The following GNAQ variants were observed in gnomAD, a reference collection of about 807,000 sequenced individuals.
The protein encoded by GNAQ is guanine nucleotide-binding protein G(q) subunit alpha.
Under a neutral mutation model 43.9 loss-of-function variants are expected in GNAQ, and 8 were observed. That is an observed-to-expected ratio of 0.18 (90% CI 0.11 to 0.33). The LOEUF (loss-of-function observed/expected upper bound fraction) is 0.33, where lower values mean the gene tolerates loss of function less well. Ranked by LOEUF, GNAQ falls within the 10% of genes least tolerant of loss-of-function variation. The pLI is 1.00. For missense variants in GNAQ, 158 were observed against 450.8 expected (o/e 0.35, Z 5.88); for synonymous variants, 155 against 170.7 (o/e 0.91, Z 0.71).
chr9:77,951,268 T>C (rs893033050), intron 1 of GNAQ, among the ~76,000 whole-genome samples: 2 of 152,012 alleles, frequency 1.3e-5, no homozygotes, highest in Admixed American at 6.6e-5. Flanking sequence ...CGGCTAATTT[T>C]TCTATTTTTA....
intron 1 of GNAQ, among the ~76,000 whole-genome samples, chr9:77,931,087 T>C (rs1829142311): frequency 6.6e-6 from 1 of 150,610 alleles, no homozygotes; most frequent in Admixed American, 6.6e-5. Flanking sequence ...CTGGAAAAAT[T>C]GCCCAAAAAA....
Position 77,836,006 on chromosome 9 carries a change from CGAA to C in GNAQ, c.322-20239_322-20237del, listed in dbSNP as rs1334821620. 1.1e-4 allele frequency among the ~76,000 whole-genome samples: 16 copies of C among 151,856 alleles called. No homozygotes were observed. The East Asian group carries it at 2.7e-3, about 26-fold the overall frequency. ...GATGATTTTAAGATATTGAGAAAAA[CGAA>C]GAAGAAAGAAAAAAAATCTGAAATT... On this transcript the variant is annotated intron_variant, in intron 2 of 6. Transcript: ENST00000286548.
intron 3 of GNAQ, 149 bp downstream of exon 3, chr9:77,815,467 G>C (rs1473370670): frequency 8.1e-6 from 4 of 493,796 alleles, no homozygotes; most frequent in Non-Finnish European, 1.4e-5. Flanking sequence ...TATGAGGTTG[G>C]CATAAGTTCA....
chr9:77,935,263 G>C lies in GNAQ; in HGVS notation c.137-12918C>G, dbSNP rs962357554. 2.6e-5 allele frequency among the ~76,000 whole-genome samples: 4 copies of C among 152,186 alleles called. No individual in the cohort carries two copies. The South Asian group carries it at 8.3e-4, about 32-fold the overall frequency. Reference sequence around the variant, plus strand: ...TTTAAAGTTTAAAATTCTCTCTTGGGGGGAAATGTTGATGTTGATCAAAAA... The same window carrying C: ...TTTAAAGTTTAAAATTCTCTCTTGGCGGGAAATGTTGATGTTGATCAAAAA... On this transcript the variant is annotated intron_variant, in intron 1 of 6. Transcript: ENST00000286548.
At chr9:77,940,949 G>C (rs1829307297) in intron 1 of GNAQ, among the ~76,000 whole-genome samples, 1 of 150,982 alleles carries the variant, frequency 6.6e-6, no homozygotes, top group Non-Finnish European at 1.5e-5. Context: ...GGGCGACAGA[G>C]CGAGACTCCG....
chr9:77,853,053 A>G (rs1827695695), intron 2 of GNAQ, among the ~76,000 whole-genome samples: 1 of 152,234 alleles, frequency 6.6e-6, no homozygotes, highest in South Asian at 2.1e-4. Flanking sequence ...AATGGATAGT[A>G]TTTTAGAAAA....
intron 2 of GNAQ, among the ~76,000 whole-genome samples, chr9:77,869,582 C>T (rs1332774891): frequency 6.6e-6 from 1 of 152,130 alleles, no homozygotes; most frequent in African/African-American, 2.4e-5. Context: ...CTAAATACTA[C>T]TCTAATAACA....
chr9:77,886,253 G>A (rs955199059), intron 2 of GNAQ, among the ~76,000 whole-genome samples: 1 of 152,164 alleles, frequency 6.6e-6, no homozygotes, highest in Admixed American at 6.5e-5. Flanking sequence ...GGTTACAGGT[G>A]TGAGCCACCA....
intron 2 of GNAQ, among the ~76,000 whole-genome samples, chr9:77,825,617 C>T (rs905747536): frequency 2.0e-5 from 3 of 152,166 alleles, no homozygotes; most frequent in African/African-American, 7.2e-5. Context: ...GTTAACAATG[C>T]ATCTGGGAAG....
intron 2 of GNAQ, among the ~76,000 whole-genome samples, chr9:77,821,398 C>T (rs765126191): frequency 6.6e-6 from 1 of 151,824 alleles, no homozygotes; most frequent in Non-Finnish European, 1.5e-5. Context: ...TTTCAGAGAA[C>T]TCAATCTCTT....
At chr9:78,008,433 G>A (rs1823732184) in intron 1 of GNAQ, among the ~76,000 whole-genome samples, 1 of 152,166 alleles carries the variant, frequency 6.6e-6, no homozygotes, top group South Asian at 2.1e-4. Context: ...ATTTCTTGCT[G>A]AATATCCAGA....
At chr9:77,968,602 A>G (rs1218035632) in intron 1 of GNAQ, among the ~76,000 whole-genome samples, 1 of 152,246 alleles carries the variant, frequency 6.6e-6, no homozygotes, top group African/African-American at 2.4e-5. Flanking sequence ...TGTATTTCCC[A>G]GACACTATCT....
At chr9:77,945,353 A>C (rs1393492131) in intron 1 of GNAQ, among the ~76,000 whole-genome samples, 1 of 152,012 alleles carries the variant, frequency 6.6e-6, no homozygotes, top group East Asian at 1.9e-4. Flanking sequence ...AAAAAAAGAG[A>C]GAGAGAGATT....
At chr9:77,739,929 C>A (rs1180115040) in intron 5 of GNAQ, among the ~76,000 whole-genome samples, 1 of 152,164 alleles carries the variant, frequency 6.6e-6, no homozygotes, top group African/African-American at 2.4e-5. Flanking sequence ...ACACTAAATA[C>A]CTTGGTAATG....
intron 5 of GNAQ, among the ~76,000 whole-genome samples, chr9:77,782,238 T>C (rs1180729453): frequency 6.6e-6 from 1 of 152,104 alleles, no homozygotes; most frequent in Non-Finnish European, 1.5e-5. Flanking sequence ...TATAGCCAGA[T>C]TATTATTCAA....
intron 1 of GNAQ, among the ~76,000 whole-genome samples, chr9:77,974,635 T>G (rs1194113403): frequency 6.6e-6 from 1 of 152,178 alleles, no homozygotes; most frequent in Non-Finnish European, 1.5e-5. Context: ...GCCTGCACTT[T>G]CAACACCCAG....
rs183929026 is a variant in GNAQ at position 77,833,624 on chromosome 9, C to T, written c.322-17854G>A. On this transcript the variant is annotated intron_variant, in intron 2 of 6. Transcript: ENST00000286548. ...GTTTCCATTTGTTCAGATGCTTGTG[C>T]TGAAGATAAAGTGAGAACTGACAAG... Among the ~76,000 whole-genome samples, 16 of 152,284 alleles carry T rather than the reference C, an allele frequency of 1.1e-4. No individual in the cohort carries two copies. The East Asian group carries it at 2.7e-3, about 26-fold the overall frequency.
chr9:78,022,145 A>C (rs891942646), intron 1 of GNAQ, among the ~76,000 whole-genome samples: 5 of 152,174 alleles, frequency 3.3e-5, no homozygotes, highest in African/African-American at 4.8e-5. Flanking sequence ...CAAAGAGAAG[A>C]GCCAGGCCAA....
chr9:77,992,479 G>A (rs1823520050), intron 1 of GNAQ, among the ~76,000 whole-genome samples: 2 of 151,634 alleles, frequency 1.3e-5, no homozygotes, highest in East Asian at 3.9e-4. Flanking sequence ...AAACCTTCTT[G>A]GACTTTTGAG....
Sources: allele counts gnomAD v4.1 joint callset (sites outside exome capture counted in the v4.1 genomes callset), GRCh38; gene constraint gnomAD v4.1.1; transcripts MANE v1.5; gene names NCBI Gene and HGNC (gene_info 2026-07-23, HGNC 2026-07-21).